The following CCSER1 variants were observed in gnomAD, a reference collection of about 807,000 sequenced individuals.
CCSER1 encodes coiled-coil serine rich protein 1.
CCSER1 carries 41 observed loss-of-function variants against 82.0 expected under a neutral mutation model. The ratio of observed to expected loss-of-function variants is 0.50; its 90% CI spans 0.39 to 0.65. The LOEUF (loss-of-function observed/expected upper bound fraction) is 0.65, where lower values mean the gene tolerates loss of function less well. CCSER1 is among the 30% of genes least tolerant of loss of function. The pLI is 0.00. For missense variants in CCSER1, 1,119 were observed against 1,064.2 expected, an observed-to-expected ratio of 1.05 and a Z score of -0.72; for synonymous variants, 414 against 383.9, an observed-to-expected ratio of 1.08 and a Z score of -0.92.
intron 9 of CCSER1, among the ~76,000 whole-genome samples, chr4:91,013,053 CA>C (rs1421480419): frequency 1.5e-5 from 2 of 134,524 alleles, no homozygotes; most frequent in Non-Finnish European, 3.5e-5. Flanking sequence ...TGATGTACTC[CA>C]GTGCTCTTCT....
At chr4:91,091,739 T>G (rs2148827336) in intron 10 of CCSER1, among the ~76,000 whole-genome samples, 1 of 152,254 alleles carries the variant, frequency 6.6e-6, no homozygotes, top group South Asian at 2.1e-4. Context: ...GAATTCCTTC[T>G]ACCTTCACAG....
chr4:90,727,038 T>G (rs1442547186), intron 7 of CCSER1, among the ~76,000 whole-genome samples: 2 of 152,162 alleles, frequency 1.3e-5, no homozygotes, highest in Non-Finnish European at 2.9e-5. Context: ...ACTCCAGATT[T>G]CCTGGGCAGC....
chr4:90,246,567 T>G (rs1430390318), intron 1 of CCSER1, among the ~76,000 whole-genome samples: 1 of 152,176 alleles, frequency 6.6e-6, no homozygotes, highest in Non-Finnish European at 1.5e-5. Context: ...AAAAATTTAT[T>G]GCTTGAAATG....
chr4:90,625,749 C>T (rs1723139587), intron 5 of CCSER1, among the ~76,000 whole-genome samples: 1 of 152,084 alleles, frequency 6.6e-6, no homozygotes, highest in Non-Finnish European at 1.5e-5. Context: ...GAAAAAAATG[C>T]CATCATCTTT....
intron 1 of CCSER1, among the ~76,000 whole-genome samples, chr4:90,247,062 A>G (rs1721537709): frequency 6.6e-6 from 1 of 152,214 alleles, no homozygotes. Flanking sequence ...GGTAGCGCCT[A>G]CAGCATGAAT....
chr4:91,543,697 T>A (rs1761729598), intron 10 of CCSER1, among the ~76,000 whole-genome samples: 1 of 152,174 alleles, frequency 6.6e-6, no homozygotes, highest in African/African-American at 2.4e-5. Flanking sequence ...CTTCCTTTTG[T>A]GGGTAACCCG....
intron 10 of CCSER1, among the ~76,000 whole-genome samples, chr4:91,545,844 A>C (rs1761862861): frequency 6.6e-6 from 1 of 152,148 alleles, no homozygotes. Context: ...GGTGGTGTGG[A>C]GATTCTAAGC....
intron 9 of CCSER1, among the ~76,000 whole-genome samples, chr4:91,002,500 A>G: frequency 6.6e-6 from 1 of 152,142 alleles, no homozygotes; most frequent in East Asian, 1.9e-4. Context: ...CCTGTCTTCA[A>G]GCTCAGAAGT....
chr4:91,278,835 A>C (rs1308795219), intron 10 of CCSER1, among the ~76,000 whole-genome samples: 1 of 150,494 alleles, frequency 6.6e-6, no homozygotes, highest in Non-Finnish European at 1.5e-5. Context: ...TGTTTTTCTC[A>C]TTTGTGTGTG....
At chr4:91,445,086 T>A (rs1755463412) in intron 10 of CCSER1, among the ~76,000 whole-genome samples, 1 of 152,188 alleles carries the variant, frequency 6.6e-6, no homozygotes, top group Non-Finnish European at 1.5e-5. Flanking sequence ...AACTATTTTT[T>A]CCCTCATTTG....
intron 10 of CCSER1, among the ~76,000 whole-genome samples, chr4:91,481,701 A>C (rs2870323): frequency 0.84 from 127,680 of 152,172 alleles, 54,039 homozygotes; most frequent in African/African-American, 0.94. Flanking sequence ...TCAGCCACAT[A>C]CAAAACCCTA....
At chr4:90,492,142 G>T (rs1486853695) in intron 5 of CCSER1, among the ~76,000 whole-genome samples, 3 of 152,090 alleles carry the variant, frequency 2.0e-5, no homozygotes. Flanking sequence ...GAATCTGTCT[G>T]GTCCTGGACT....
chr4:90,325,155 G>T (rs750221579), intron 3 of CCSER1, among the ~76,000 whole-genome samples: 1 of 152,148 alleles, frequency 6.6e-6, no homozygotes, highest in Non-Finnish European at 1.5e-5. Flanking sequence ...TATTTGTTCA[G>T]TTTGGTGTTC....
chr4:90,225,781 C>T (rs2153423863), intron 1 of CCSER1, among the ~76,000 whole-genome samples: 1 of 152,234 alleles, frequency 6.6e-6, no homozygotes, highest in Non-Finnish European at 1.5e-5. Context: ...GAGATTGATG[C>T]TTTAGATATG....
chr4:91,251,298 G>C (rs1264153385), intron 10 of CCSER1, among the ~76,000 whole-genome samples: 1 of 152,152 alleles, frequency 6.6e-6, no homozygotes, highest in Non-Finnish European at 1.5e-5. Flanking sequence ...ATGGTGGAGA[G>C]AAAGATCATT....
intron 10 of CCSER1, among the ~76,000 whole-genome samples, chr4:91,264,845 G>T (rs1368561347): frequency 1.3e-5 from 2 of 151,788 alleles, no homozygotes; most frequent in Non-Finnish European, 2.9e-5. Context: ...ATTATAAGTA[G>T]GAGGGTAAAT....
chr4:90,951,611 G>A (rs1007229398), intron 9 of CCSER1, among the ~76,000 whole-genome samples: 7 of 151,968 alleles, frequency 4.6e-5, no homozygotes, highest in South Asian at 2.1e-4. Flanking sequence ...AAAAATGTAC[G>A]AAGTACATTT....
At chr4:90,636,884 T>C (rs965164840) in intron 6 of CCSER1, among the ~76,000 whole-genome samples, 2 of 152,176 alleles carry the variant, frequency 1.3e-5, no homozygotes, top group African/African-American at 4.8e-5. Flanking sequence ...AAGGTAAAAC[T>C]GCATGTATGA....
intron 1 of CCSER1, among the ~76,000 whole-genome samples, chr4:90,233,120 C>T (rs1244391206): frequency 6.6e-6 from 1 of 152,116 alleles, no homozygotes; most frequent in African/African-American, 2.4e-5. Flanking sequence ...CATCCCATTA[C>T]TGGGTATATA....
Sources: gnomAD v4.1 joint callset for allele counts (sites outside exome capture counted in the v4.1 genomes callset) on GRCh38, gnomAD v4.1.1 for gene constraint, MANE v1.5 for transcripts, NCBI Gene and HGNC (gene_info 2026-07-23, HGNC 2026-07-21) for gene names.